The following NEK1 variants were observed in gnomAD, a reference collection of about 807,000 sequenced individuals.
NEK1 encodes the protein NIMA related kinase 1.
In NEK1, 137 loss-of-function variants were observed where a neutral mutation model predicts 182.1. That is an observed-to-expected ratio of 0.75 (90% CI 0.65 to 0.87). The LOEUF is 0.87. NEK1 is among the 40% of genes least tolerant of loss of function. The pLI, the probability that NEK1 is intolerant of heterozygous loss-of-function variation, is 0.00. For missense variants in NEK1, 1,391 were observed against 1,494.4 expected (o/e 0.93, Z 1.14); for synonymous variants, 513 against 492.2 (o/e 1.04, Z -0.56).
At chr4:169,597,187 C>T (rs1164503156) in intron 5 of NEK1, among the ~76,000 whole-genome samples, 1 of 152,204 alleles carries the variant, frequency 6.6e-6, no homozygotes, top group Non-Finnish European at 1.5e-5. Flanking sequence ...TATATACTAA[C>T]ATACATTACT....
At chr4:169,601,869 A>G (rs1165661162) in intron 4 of NEK1, 139 bp downstream of exon 4, 2 of 625,128 alleles carry the variant, frequency 3.2e-6, no homozygotes, top group Non-Finnish European at 5.6e-6. Context: ...GCATGATATC[A>G]GTATTGTCCT....
At chr4:169,554,822 A>G (rs1761938694) in intron 18 of NEK1, 2 of 152,210 alleles carry the variant, frequency 1.3e-5, no homozygotes, top group Non-Finnish European at 2.9e-5. Flanking sequence ...TTTGGGTGAT[A>G]ATGGATCGAT....
intron 29 of NEK1, among the ~76,000 whole-genome samples, chr4:169,431,929 C>T (rs1331905603): frequency 6.7e-6 from 1 of 148,472 alleles, no homozygotes; most frequent in Non-Finnish European, 1.5e-5. Flanking sequence ...CATGGCAAAA[C>T]CACACACACA....
At chr4:169,581,412 G>A (rs986285392) in intron 10 of NEK1, among the ~76,000 whole-genome samples, 12 of 151,906 alleles carry the variant, frequency 7.9e-5, no homozygotes, top group African/African-American at 2.9e-4. Context: ...GACCACAGGC[G>A]TGTGTCACCA....
chr4:169,548,394 G>A (rs1760880659), intron 18 of NEK1, among the ~76,000 whole-genome samples: 1 of 152,198 alleles, frequency 6.6e-6, no homozygotes, highest in East Asian at 1.9e-4. Context: ...TGTATGAGGA[G>A]TCTGTCGGCC....
At chr4:169,495,014 CA>C (rs1388202726) in intron 23 of NEK1, among the ~76,000 whole-genome samples, 3 of 152,056 alleles carry the variant, frequency 2.0e-5, no homozygotes, top group African/African-American at 7.2e-5. Context: ...GAGTAGGTTG[CA>C]AAAATTTTCT....
chr4:169,605,841 G>T (rs948857044), intron 2 of NEK1, among the ~76,000 whole-genome samples: 1 of 152,114 alleles, frequency 6.6e-6, no homozygotes, highest in Non-Finnish European at 1.5e-5. Flanking sequence ...TGATCCTGAA[G>T]ATAAGCAACA....
At chr4:169,609,139 C>T (rs1560803498) in intron 2 of NEK1, among the ~76,000 whole-genome samples, 4 of 150,768 alleles carry the variant, frequency 2.7e-5, no homozygotes, top group Admixed American at 1.3e-4. Context: ...TATTTAACCA[C>T]AATTTTTTTA....
Position 169,404,982 on chromosome 4 carries a change from C to T in NEK1, c.3374+1614G>A, listed in dbSNP as rs141996181. ...ATGTGTGCACTGACACATGTGCACACACACACATGAACAAAACTGGTCGAC... is the reference window on the plus strand; with the variant it reads ...ATGTGTGCACTGACACATGTGCACATACACACATGAACAAAACTGGTCGAC... On this transcript the variant is annotated intron_variant, in intron 32 of 35. Coordinates refer to ENST00000507142, the MANE Select transcript of NEK1 (RefSeq NM_001199397.3). 5.4e-3 allele frequency among the ~76,000 whole-genome samples: 818 copies of T among 152,168 alleles called. 11 individuals carry two copies. The highest frequency in any genetic ancestry group is 0.019 in the African/African-American group (771 of 41,488).
chr4:169,470,244 A>G (rs1241628600), intron 26 of NEK1, among the ~76,000 whole-genome samples: 2 of 152,146 alleles, frequency 1.3e-5, no homozygotes, highest in African/African-American at 4.8e-5. Flanking sequence ...ACATTTTGGT[A>G]TGCTTTTGCA....
At chr4:169,532,164 T>C (rs1054872807) in intron 19 of NEK1, among the ~76,000 whole-genome samples, 1 of 152,162 alleles carries the variant, frequency 6.6e-6, no homozygotes, top group African/African-American at 2.4e-5. Flanking sequence ...TTACATATGA[T>C]GATGGTGGCG....
chr4:169,565,141 A>G (rs1763478688), intron 12 of NEK1, among the ~76,000 whole-genome samples: 1 of 152,202 alleles, frequency 6.6e-6, no homozygotes, highest in South Asian at 2.1e-4. Context: ...CAGAAAAGAC[A>G]TTAGAGTTGA....
chr4:169,430,794 G>A (rs1485957369), intron 29 of NEK1, among the ~76,000 whole-genome samples: 1 of 151,212 alleles, frequency 6.6e-6, no homozygotes, highest in African/African-American at 2.4e-5. Context: ...TGTAACAAAT[G>A]AAATACATTA....
chr4:169,499,734 T>C (rs1294066720), intron 23 of NEK1, among the ~76,000 whole-genome samples: 1 of 152,138 alleles, frequency 6.6e-6, no homozygotes, highest in African/African-American at 2.4e-5. Flanking sequence ...GAACAGCAAA[T>C]GTTGCTGCCT....
intron 27 of NEK1, among the ~76,000 whole-genome samples, chr4:169,455,382 T>C (rs1742669388): frequency 1.3e-5 from 2 of 149,674 alleles, no homozygotes. Context: ...AGACTTCACC[T>C]ATAAAGACAC....
At chr4:169,558,601 C>T (rs138497158) in intron 16 of NEK1, among the ~76,000 whole-genome samples, 22 of 152,258 alleles carry the variant, frequency 1.4e-4, no homozygotes, top group African/African-American at 4.1e-4. Context: ...TATAAACAGG[C>T]TATTCTTTTT....
At chr4:169,548,765 C>T (rs566893481) in intron 18 of NEK1, among the ~76,000 whole-genome samples, 20 of 152,324 alleles carry the variant, frequency 1.3e-4, no homozygotes, top group African/African-American at 4.8e-4. Flanking sequence ...TTTGTTTACA[C>T]CATGAGGGTA....
At chr4:169,604,370 T>C (rs1485332313) in intron 2 of NEK1, among the ~76,000 whole-genome samples, 1 of 151,896 alleles carries the variant, frequency 6.6e-6, no homozygotes, top group Non-Finnish European at 1.5e-5. Context: ...TGAGAAAGAG[T>C]CATAAGAGCA....
At position 169,513,228 on chromosome 4, in the gene NEK1, C is replaced by T. The variant is rs149976668; in HGVS notation, c.1666-4376G>A. Among the ~76,000 whole-genome samples the T allele has an allele frequency of 3.0e-4, 46 of 152,262 alleles. 1 individual carries two copies. The highest frequency in any genetic ancestry group is 2.6e-3 in the Admixed American group (40 of 15,286). On this transcript the variant is annotated intron_variant, in intron 19 of 35. Transcript: ENST00000507142. The stretch of plus-strand genomic sequence containing the variant: ...GTCTTCTGATTCATAAACAATGTAT[C>T]TCTCCAAGTATTTAGGTCTTCTTAG...
Sources: gnomAD v4.1 joint callset for allele counts (sites outside exome capture counted in the v4.1 genomes callset) on GRCh38, gnomAD v4.1.1 for gene constraint, MANE v1.5 for transcripts, NCBI Gene and HGNC (gene_info 2026-07-23, HGNC 2026-07-21) for gene names.